Variants in EML5 observed in about 807,000 individuals in gnomAD.
EML5 encodes the protein EMAP like 5, also known as echinoderm microtubule-associated protein-like 5.
Under a neutral mutation model 250.0 loss-of-function variants are expected in EML5, and 120 were observed. The ratio of observed to expected loss-of-function variants is 0.48; its 90% CI spans 0.41 to 0.56. EML5 has a LOEUF of 0.56. Ranked by LOEUF, EML5 falls within the 20% of genes least tolerant of loss-of-function variation. The pLI, the probability that EML5 is intolerant of heterozygous loss-of-function variation, is 0.00. For missense variants in EML5, 2,006 were observed against 2,437.6 expected (o/e 0.82, Z 3.73); for synonymous variants, 771 against 806.5 (o/e 0.96, Z 0.75).
Position 88,734,187 on chromosome 14 carries a change from A to G in EML5, c.1049+2177T>C, listed in dbSNP as rs2093804132. On this transcript the variant is annotated intron_variant, in intron 7 of 43. Transcript: ENST00000554922. ...TTTACAGAAAGGATTCTAGGGAACC[A>G]CCTAACTTTTAAAATTGGTAAATAT... 3.3e-5 allele frequency among the ~76,000 whole-genome samples: 5 copies of G among 152,212 alleles called. No homozygotes were observed. In the South Asian group the frequency reaches 1.0e-3, roughly 31 times the overall value.
chr14:88,615,404 A>G lies in EML5; in HGVS notation c.*414T>C, dbSNP rs959526879. ...CAAGAATAAAATATTTCATTAAACA[A>G]TGAACCTTGAAAATAAAATATAAAC... On this transcript the variant is annotated 3_prime_UTR_variant, in exon 44 of 44. Transcript: ENST00000554922. 3.2e-5 allele frequency: 5 copies of G among 157,682 alleles called. No homozygotes were observed. Among genetic ancestry groups the G allele is most frequent in the Admixed American group, 2.6e-4 (4 of 15,478 alleles). 9.8% of individuals were successfully genotyped at this position (157,682 alleles called of 1,614,324 possible).
At chr14:88,692,858 C>G (rs1448168105) in intron 17 of EML5, among the ~76,000 whole-genome samples, 1 of 152,162 alleles carries the variant, frequency 6.6e-6, no homozygotes, top group African/African-American at 2.4e-5. Context: ...TAATTTACAA[C>G]TTGAAAGTTA....
At chr14:88,781,388 T>C (rs2094496145) in intron 1 of EML5, among the ~76,000 whole-genome samples, 1 of 152,220 alleles carries the variant, frequency 6.6e-6, no homozygotes, top group South Asian at 2.1e-4. Context: ...AATAGATTTA[T>C]AAATCAGAAT....
chr14:88,685,602 C>T (rs1480418480), intron 19 of EML5, among the ~76,000 whole-genome samples: 1 of 152,036 alleles, frequency 6.6e-6, no homozygotes, highest in African/African-American at 2.4e-5. Context: ...ATATAACCCA[C>T]ATACATCATT....
At chr14:88,736,610 GA>G in intron 6 of EML5, 45 bp from the exon 7 acceptor site, 1 of 1,566,062 alleles carries the variant, frequency 6.4e-7, no homozygotes, top group Non-Finnish European at 8.8e-7. Flanking sequence ...CTGTAATAAT[GA>G]TAGCAGCAGG....
rs1389473665 is a variant in EML5, at chr14:88,615,810, A to G, written c.*8T>C. On this transcript the variant is annotated 3_prime_UTR_variant, in exon 44 of 44. Transcript: ENST00000554922. ...CAAAGTTAATTTCTGTAGTCATCTC[A>G]GCATCTCTCAGTGAGGTGTATGTAC... 6.2e-7 allele frequency: 1 copy of G among 1,610,582 alleles called. No homozygotes were observed. The highest frequency in any genetic ancestry group is 1.1e-5 in the South Asian group (1 of 89,854).
chr14:88,761,976 G>A (rs2094251087), intron 1 of EML5, among the ~76,000 whole-genome samples: 4 of 152,062 alleles, frequency 2.6e-5, no homozygotes, highest in Admixed American at 2.6e-4. Context: ...CTTGTTGTCT[G>A]CATAAATGTC....
chr14:88,781,300 A>T (rs748955467), intron 1 of EML5, among the ~76,000 whole-genome samples: 10 of 152,334 alleles, frequency 6.6e-5, no homozygotes, highest in Non-Finnish European at 1.3e-4. Context: ...GTAGGGTAAA[A>T]CTGCAGAACT....
At chr14:88,776,405 T>C (rs2094447385) in intron 1 of EML5, among the ~76,000 whole-genome samples, 1 of 151,944 alleles carries the variant, frequency 6.6e-6, no homozygotes, top group Non-Finnish European at 1.5e-5. Context: ...GTCAGATAAA[T>C]TTAACAGAGA....
At chr14:88,678,082 A>G (rs1222000854) in intron 21 of EML5, among the ~76,000 whole-genome samples, 1 of 152,244 alleles carries the variant, frequency 6.6e-6, no homozygotes, top group African/African-American at 2.4e-5. Context: ...AAAATGTGGT[A>G]TATATACACC....
At chr14:88,707,146 T>C (rs1053197771) in intron 10 of EML5, among the ~76,000 whole-genome samples, 4 of 152,182 alleles carry the variant, frequency 2.6e-5, no homozygotes, top group Admixed American at 2.0e-4. Flanking sequence ...GTCAGTTCTA[T>C]CATTAGAGAT....
intron 15 of EML5, 118 bp from the exon 16 acceptor site, chr14:88,695,572 G>A (rs566243445): frequency 9.3e-6 from 9 of 967,770 alleles, no homozygotes; most frequent in Non-Finnish European, 1.4e-5. Context: ...AATGTTAAAT[G>A]TTAGGCATGC....
Position 88,622,652 on chromosome 14 carries a change from A to G in EML5, c.4965T>C (p.Leu1655=). 6.2e-7 allele frequency: 1 copy of G among 1,611,692 alleles called. No homozygotes were observed. The highest frequency in any genetic ancestry group is 8.5e-7 in the Non-Finnish European group (1 of 1,178,812). Residue 1655 remains leucine (L), a synonymous_variant, in exon 37 of 44, where the codon CTT becomes CTC. Transcript: ENST00000554922. ...CACAATCTGTGGCTTGTCCTGTCTCAAGCCTGAAGGCACGGCACCGCCTCA... is the reference window on the plus strand; with the variant it reads ...CACAATCTGTGGCTTGTCCTGTCTCGAGCCTGAAGGCACGGCACCGCCTCA... The part of the protein sequence containing the change: ...QELRRCRAFR[L]ETGQATDCVR...
intron 14 of EML5, among the ~76,000 whole-genome samples, chr14:88,700,268 C>CA (rs1273745120): frequency 6.6e-6 from 1 of 152,192 alleles, no homozygotes; most frequent in East Asian, 1.9e-4. Flanking sequence ...CTCCAAAAGA[C>CA]AAAACTCTCT....
At chr14:88,719,218 C>T (rs1223625751) in intron 8 of EML5, among the ~76,000 whole-genome samples, 1 of 151,934 alleles carries the variant, frequency 6.6e-6, no homozygotes, top group Non-Finnish European at 1.5e-5. Context: ...GACCACATCT[C>T]TACAAAAAAT....
At chr14:88,621,560 T>C in intron 37 of EML5, 1 of 494,968 alleles carries the variant, frequency 2.0e-6, no homozygotes, top group South Asian at 2.9e-5. Flanking sequence ...CCTGGATTCT[T>C]CAATAATCAA....
At position 88,740,373 on chromosome 14, in the gene EML5, T is replaced by C. The variant is rs982304310; in HGVS notation, c.711+14A>G. ...ATACACATGAAAGTGTTTAAAATAC[T>C]TAAATGTACTTACAGCATGGGCTCC... is the stretch of plus-strand genomic sequence containing the variant. On this transcript the variant is annotated intron_variant, in intron 5 of 43. Transcript: ENST00000554922. 6.3e-7 allele frequency: 1 copy of C among 1,595,724 alleles called. No homozygotes were observed. Among genetic ancestry groups the C allele is most frequent in the African/African-American group, 1.3e-5 (1 of 74,232 alleles).
intron 8 of EML5, among the ~76,000 whole-genome samples, chr14:88,718,112 G>T (rs1296899449): frequency 1.3e-5 from 2 of 152,140 alleles, no homozygotes; most frequent in African/African-American, 4.8e-5. Context: ...CATGGATAAT[G>T]GTGCCATTAA....
intron 8 of EML5, among the ~76,000 whole-genome samples, chr14:88,718,254 G>A (rs760047999): frequency 2.0e-5 from 3 of 152,162 alleles, no homozygotes; most frequent in Non-Finnish European, 4.4e-5. Context: ...TGCATAGCTC[G>A]AGTTTTGAGA....
Sources: gnomAD v4.1 joint callset for allele counts (sites outside exome capture counted in the v4.1 genomes callset) on GRCh38, gnomAD v4.1.1 for gene constraint, MANE v1.5 for transcripts, NCBI Gene and HGNC (gene_info 2026-07-23, HGNC 2026-07-21) for gene names.